Variants in SCD5 observed in about 807,000 individuals in gnomAD.
The protein encoded by SCD5 is stearoyl-CoA desaturase 5, also known as acyl-CoA-desaturase 4.
SCD5 carries 20 observed loss-of-function variants against 30.4 expected under a neutral mutation model. The ratio of observed to expected loss-of-function variants is 0.66; its 90% confidence interval spans 0.46 to 0.96. The LOEUF (loss-of-function observed/expected upper bound fraction) is 0.96, where lower values mean the gene tolerates loss of function less well. SCD5 is among the 40% of genes least tolerant of loss of function. SCD5 has a pLI of 0.00. For synonymous variants in SCD5, 173 were observed against 176.4 expected, an observed-to-expected ratio of 0.98 and a Z score of 0.16; for missense variants, 381 against 443.3, an observed-to-expected ratio of 0.86 and a Z score of 1.26.
rs943413788 is a variant in SCD5 at position 82,698,175 on chromosome 4, T to C, written c.363+7108A>G. The C allele has an allele frequency of 1.3e-5, 6 of 455,566 alleles. No individual in the cohort carries two copies. The East Asian group carries it at 2.8e-4, about 21-fold the overall frequency. The allele number at this position is 455,566 out of a possible 1,614,324, so 28.2% of individuals were successfully genotyped here. A position where few individuals can be genotyped will look rare whatever the true frequency, so the allele number is the denominator to read the frequency against. Reference sequence around the variant, plus strand: ...TGATGTGCAGAAGAAAAGTTGTGCATCTGAAGCTTAGGCTCATGGCTAGGA... The same window carrying C: ...TGATGTGCAGAAGAAAAGTTGTGCACCTGAAGCTTAGGCTCATGGCTAGGA... On this transcript the variant is annotated intron_variant, in intron 2 of 4. Coordinates refer to ENST00000319540, the MANE Select transcript of SCD5 (RefSeq NM_001037582.3).
chr4:82,734,726 T>TA lies in SCD5; in HGVS notation c.233-29314dup, dbSNP rs537244496. On this transcript the variant is annotated intron_variant, in intron 1 of 4. Coordinates refer to ENST00000319540, the MANE Select transcript of SCD5 (RefSeq NM_001037582.3). Reference sequence around the variant, plus strand: ...TGTATTGTTGCTTGGGCTTTTTTTTTAAAACAAGCCTATAGTCAATATTTA... The same window carrying TA: ...TGTATTGTTGCTTGGGCTTTTTTTTTAAAAACAAGCCTATAGTCAATATTTA... Among the ~76,000 whole-genome samples, 1,191 of 151,952 alleles carry TA rather than the reference T, an allele frequency of 7.8e-3. 9 individuals are homozygous for TA. The highest frequency in any genetic ancestry group is 0.015 in the Non-Finnish European group (999 of 67,964).
intron 1 of SCD5, among the ~76,000 whole-genome samples, chr4:82,712,243 C>CATATATATATAT (rs762732703): frequency 2.4e-4 from 7 of 28,828 alleles, no homozygotes; most frequent in East Asian, 7.9e-4. Context: ...GACCAACTAA[C>CATATATATATAT]ATATATATAT....
intron 1 of SCD5, among the ~76,000 whole-genome samples, chr4:82,737,959 A>G (rs2148837878): frequency 6.6e-6 from 1 of 151,930 alleles, no homozygotes; most frequent in African/African-American, 2.4e-5. Flanking sequence ...AATTAGCTAA[A>G]AAAAAAAAAA....
intron 3 of SCD5, among the ~76,000 whole-genome samples, chr4:82,645,738 T>C (rs1727623727): frequency 6.6e-6 from 1 of 152,232 alleles, no homozygotes; most frequent in African/African-American, 2.4e-5. Flanking sequence ...GGTACTAACT[T>C]TTCAATTACT....
chr4:82,680,933 T>C (rs774544561), intron 2 of SCD5, 21 bp from the exon 3 acceptor site: 2 of 1,604,902 alleles, frequency 1.2e-6, no homozygotes, highest in Admixed American at 1.7e-5. Flanking sequence ...AATGAGAGCC[T>C]GAGTGAAGAG....
At chr4:82,664,997 C>CTATATATA (rs1434283229) in intron 3 of SCD5, among the ~76,000 whole-genome samples, 100 of 79,370 alleles carry the variant, frequency 1.3e-3, no homozygotes, top group Middle Eastern at 6.2e-3. Flanking sequence ...CTCTCTCTCT[C>CTATATATA]TCTATATATA....
At chr4:82,681,682 G>C (rs1728578735) in intron 2 of SCD5, among the ~76,000 whole-genome samples, 1 of 152,050 alleles carries the variant, frequency 6.6e-6, no homozygotes, top group African/African-American at 2.4e-5. Flanking sequence ...ATGGGTACTA[G>C]GTGTAATACC....
rs1485748110 is a variant in SCD5 at position 82,650,039 on chromosome 4, C to CTTCA, written c.570-13220_570-13217dup. On this transcript the variant is annotated intron_variant, in intron 3 of 4. Coordinates refer to ENST00000319540, the MANE Select transcript of SCD5 (RefSeq NM_001037582.3). ...AGTGGTGATGTCCACGTGCTGCTTC[C>CTTCA]TTCAGCATTATGCACACTTCATCCC... 3.3e-5 allele frequency among the ~76,000 whole-genome samples: 5 copies of CTTCA among 152,298 alleles called. No homozygotes were observed. In the East Asian group the frequency reaches 9.7e-4, roughly 29 times the overall value.
chr4:82,734,711 C>T (rs1212779596), intron 1 of SCD5, among the ~76,000 whole-genome samples: 1 of 151,480 alleles, frequency 6.6e-6, no homozygotes, highest in Non-Finnish European at 1.5e-5. Context: ...TGTATTGTTG[C>T]TTGGGCTTTT....
intron 1 of SCD5, among the ~76,000 whole-genome samples, chr4:82,759,480 C>T (rs1395793006): frequency 6.6e-6 from 1 of 152,004 alleles, no homozygotes; most frequent in Non-Finnish European, 1.5e-5. Context: ...CAAGCATGAC[C>T]CTTCACTTAC....
chr4:82,722,233 CAG>C (rs1404208455), intron 1 of SCD5, among the ~76,000 whole-genome samples: 2 of 152,166 alleles, frequency 1.3e-5, no homozygotes, highest in Admixed American at 1.3e-4. Context: ...ATCCTCTTAA[CAG>C]TGTCAAATAT....
At chr4:82,657,145 T>C (rs1347777779) in intron 3 of SCD5, among the ~76,000 whole-genome samples, 2 of 152,346 alleles carry the variant, frequency 1.3e-5, no homozygotes, top group East Asian at 1.9e-4. Context: ...CCGTTGCTTT[T>C]GGTGTTTTAG....
intron 1 of SCD5, among the ~76,000 whole-genome samples, chr4:82,735,963 CCTTT>C (rs1720741794): frequency 6.6e-6 from 1 of 152,162 alleles, no homozygotes; most frequent in Non-Finnish European, 1.5e-5. Context: ...TTTATATCAG[CCTTT>C]CTATTTGTTT....
chr4:82,757,157 T>C (rs1721250345), intron 1 of SCD5, among the ~76,000 whole-genome samples: 2 of 152,160 alleles, frequency 1.3e-5, no homozygotes, highest in African/African-American at 4.8e-5. Flanking sequence ...GTCTCTCCTC[T>C]CCCATCTCCT....
At chr4:82,730,795 A>G (rs1440890487) in intron 1 of SCD5, among the ~76,000 whole-genome samples, 3 of 152,024 alleles carry the variant, frequency 2.0e-5, no homozygotes, top group Non-Finnish European at 2.9e-5. Context: ...CATGTTAGCC[A>G]AGATGGTCTC....
intron 3 of SCD5, among the ~76,000 whole-genome samples, chr4:82,638,129 G>A (rs1727470398): frequency 6.6e-6 from 1 of 152,126 alleles, no homozygotes; most frequent in South Asian, 2.1e-4. Context: ...ATTTGCTGAG[G>A]ATAATGGCTT....
At chr4:82,699,570 GTTTTTTTTTT>G (rs59887380) in intron 2 of SCD5, among the ~76,000 whole-genome samples, 8 of 141,164 alleles carry the variant, frequency 5.7e-5, no homozygotes, top group African/African-American at 2.1e-4. Context: ...TTTGTTTTTT[GTTTTTTTTTT>G]TTTTTGAGAC....
chr4:82,651,277 T>C (rs1578005634), intron 3 of SCD5, among the ~76,000 whole-genome samples: 1 of 152,084 alleles, frequency 6.6e-6, no homozygotes, highest in African/African-American at 2.4e-5. Context: ...TGAATAAGAG[T>C]TGGCTAGGTA....
chr4:82,719,735 C>G (rs1022010263), intron 1 of SCD5, among the ~76,000 whole-genome samples: 18 of 149,910 alleles, frequency 1.2e-4, no homozygotes, highest in African/African-American at 4.5e-4. Context: ...GATCTCTTGA[C>G]CTTGTGATCC....
Sources: allele counts gnomAD v4.1 joint callset (sites outside exome capture counted in the v4.1 genomes callset), GRCh38; gene constraint gnomAD v4.1.1; transcripts MANE v1.5; gene names NCBI Gene and HGNC (gene_info 2026-07-23, HGNC 2026-07-21).